EPHA6: variants seen among roughly 807,000 people sequenced by gnomAD.
EPHA6 encodes the protein ephrin type-A receptor 6.
Under a neutral mutation model 112.0 loss-of-function variants are expected in EPHA6, and 50 were observed. That is an observed-to-expected ratio of 0.45 (90% CI 0.36 to 0.56). The LOEUF (loss-of-function observed/expected upper bound fraction) is 0.56. Among genes scored for constraint, EPHA6 ranks in the 20% least tolerant of loss-of-function variants. The pLI is 0.00. For synonymous variants in EPHA6, 529 were observed against 490.7 expected (o/e 1.08, Z -1.03); for missense variants, 1,280 against 1,417.4 (o/e 0.90, Z 1.56).
At chr3:96,870,096 G>T (rs1418404042) in intron 2 of EPHA6, among the ~76,000 whole-genome samples, 1 of 152,028 alleles carries the variant, frequency 6.6e-6, no homozygotes, top group Non-Finnish European at 1.5e-5. Flanking sequence ...TAGAGAAAAA[G>T]AACTAATAGG....
intron 14 of EPHA6, chr3:97,646,248 A>G (rs772884844): frequency 6.5e-7 from 1 of 1,535,516 alleles, no homozygotes; most frequent in South Asian, 1.2e-5. Flanking sequence ...GAGAAACAGA[A>G]GGGCCATGGG....
At chr3:97,069,406 G>A (rs1344062001) in intron 3 of EPHA6, among the ~76,000 whole-genome samples, 4 of 152,032 alleles carry the variant, frequency 2.6e-5, no homozygotes, top group African/African-American at 9.7e-5. Flanking sequence ...GAGTTGGAAG[G>A]GTATCTGCAC....
At chr3:97,101,554 A>G (rs2047404279) in intron 3 of EPHA6, among the ~76,000 whole-genome samples, 1 of 152,010 alleles carries the variant, frequency 6.6e-6, no homozygotes, top group Admixed American at 6.6e-5. Flanking sequence ...GTTCCTGTTC[A>G]TCCCTGATTC....
At chr3:96,864,358 G>A (rs1404767822) in intron 1 of EPHA6, among the ~76,000 whole-genome samples, 1 of 151,996 alleles carries the variant, frequency 6.6e-6, no homozygotes, top group Non-Finnish European at 1.5e-5. Flanking sequence ...CAGTGGAATA[G>A]GTTTCAGCAA....
chr3:97,175,008 T>A (rs1046339889), intron 3 of EPHA6, among the ~76,000 whole-genome samples: 44 of 152,036 alleles, frequency 2.9e-4, no homozygotes, highest in African/African-American at 1.1e-3. Context: ...CAAAGTTTTC[T>A]TGTAGTGGTT....
At chr3:97,104,410 T>G (rs1421613811) in intron 3 of EPHA6, among the ~76,000 whole-genome samples, 1 of 150,882 alleles carries the variant, frequency 6.6e-6, no homozygotes, top group East Asian at 1.9e-4. Context: ...AATCATGTGG[T>G]TTTTTTCTTT....
intron 1 of EPHA6, among the ~76,000 whole-genome samples, chr3:96,863,640 A>G (rs2036137319): frequency 6.6e-6 from 1 of 152,022 alleles, no homozygotes; most frequent in African/African-American, 2.4e-5. Context: ...TAATAGGTAC[A>G]TACATATTTT....
chr3:96,934,118 C>G (rs1327474598), intron 2 of EPHA6, among the ~76,000 whole-genome samples: 1 of 151,746 alleles, frequency 6.6e-6, no homozygotes, highest in Non-Finnish European at 1.5e-5. Flanking sequence ...ATACCTTTTT[C>G]TATTTTAATG....
intron 3 of EPHA6, among the ~76,000 whole-genome samples, chr3:97,011,677 T>C (rs942381769): frequency 3.3e-5 from 5 of 152,204 alleles, no homozygotes; most frequent in African/African-American, 7.2e-5. Flanking sequence ...ATTTAAGGGA[T>C]ATGTTTACAT....
At chr3:97,363,875 C>A (rs1029717816) in intron 5 of EPHA6, among the ~76,000 whole-genome samples, 2 of 151,998 alleles carry the variant, frequency 1.3e-5, no homozygotes, top group South Asian at 2.1e-4. Flanking sequence ...TCCTTAAGGA[C>A]AGGAGGCTAA....
intron 3 of EPHA6, among the ~76,000 whole-genome samples, chr3:96,994,709 G>GTATATATATATA (rs66581386): frequency 5.0e-4 from 49 of 98,426 alleles, no homozygotes; most frequent in African/African-American, 1.3e-3. Context: ...GTGTGTGTGT[G>GTATATATATATA]TATATATATA....
intron 5 of EPHA6, among the ~76,000 whole-genome samples, chr3:97,297,479 A>G (rs1382124283): frequency 6.6e-6 from 1 of 152,146 alleles, no homozygotes; most frequent in Non-Finnish European, 1.5e-5. Context: ...TCTAAATTTA[A>G]TTAAAGAAAT....
rs116771814 is a variant in EPHA6 at position 97,414,948 on chromosome 3, T to C, written c.1731+9674T>C. On this transcript the variant is annotated intron_variant, in intron 6 of 17. Coordinates refer to ENST00000389672, the MANE Select transcript of EPHA6 (RefSeq NM_001080448.3). ...TTTAGAGAGGACTTCTAAGCTTTTG[T>C]ATTTCATATTAAAATGGCCTGGAGA... Among the ~76,000 whole-genome samples, 851 of 152,144 alleles carry C rather than the reference T, an allele frequency of 5.6e-3. 16 individuals are homozygous for C. The highest frequency in any genetic ancestry group is 0.019 in the African/African-American group (801 of 41,542).
chr3:96,839,361 G>A (rs1441105362), intron 1 of EPHA6, among the ~76,000 whole-genome samples: 1 of 152,024 alleles, frequency 6.6e-6, no homozygotes, highest in Non-Finnish European at 1.5e-5. Flanking sequence ...TGCTCCGTAT[G>A]AGAATCCAAC....
At chr3:96,924,281 C>A (rs1316381167) in intron 2 of EPHA6, among the ~76,000 whole-genome samples, 1 of 152,162 alleles carries the variant, frequency 6.6e-6, no homozygotes. Flanking sequence ...TCTCTATGAG[C>A]ATGGAATGTT....
intron 9 of EPHA6, among the ~76,000 whole-genome samples, chr3:97,480,179 A>AT (rs1243081070): frequency 1.1e-4 from 17 of 151,276 alleles, no homozygotes; most frequent in African/African-American, 3.9e-4. Context: ...ATTTTTTATT[A>AT]TTATTTTTTA....
At chr3:97,381,900 G>C (rs534942227) in intron 5 of EPHA6, among the ~76,000 whole-genome samples, 1 of 152,058 alleles carries the variant, frequency 6.6e-6, no homozygotes, top group Non-Finnish European at 1.5e-5. Context: ...AACATGGGAC[G>C]CACTTAATAA....
intron 2 of EPHA6, among the ~76,000 whole-genome samples, chr3:96,918,802 T>C (rs898203094): frequency 7.2e-5 from 11 of 151,968 alleles, no homozygotes; most frequent in Admixed American, 1.3e-4. Context: ...TTGTACAGGC[T>C]CTCATAAAGA....
intron 14 of EPHA6, among the ~76,000 whole-genome samples, chr3:97,718,365 T>C (rs1321825594): frequency 2.0e-5 from 3 of 152,178 alleles, no homozygotes; most frequent in Non-Finnish European, 4.4e-5. Flanking sequence ...CATTTCTGAA[T>C]TTTTTTAGTG....
Sources: gnomAD v4.1 joint callset for allele counts (sites outside exome capture counted in the v4.1 genomes callset) on GRCh38, gnomAD v4.1.1 for gene constraint, MANE v1.5 for transcripts, NCBI Gene and HGNC (gene_info 2026-07-23, HGNC 2026-07-21) for gene names.